Variants in PANK4 observed in about 807,000 individuals in gnomAD.
PANK4 encodes 4'-phosphopantetheine phosphatase.
In PANK4, 40 loss-of-function variants were observed where a neutral mutation model predicts 87.9. That is an observed-to-expected ratio of 0.46 (90% CI 0.35 to 0.59). The LOEUF (loss-of-function observed/expected upper bound fraction) is 0.59. Ranked by LOEUF, PANK4 falls within the 20% of genes least tolerant of loss-of-function variation. The pLI, the probability that PANK4 is intolerant of heterozygous loss-of-function variation, is 0.00. For synonymous variants in PANK4, 524 were observed against 467.4 expected (o/e 1.12, Z -1.56); for missense variants, 926 against 1,072.3 (o/e 0.86, Z 1.90).
At position 2,510,054 on chromosome 1, in the gene PANK4, C is replaced by CA. The variant is rs776726313; in HGVS notation, c.2039+2dup. ...CCCCCCAGCACTGCCCGCCAACACT[C>CA]ACTGCACGACAGGGTCCATGCCCGC... On this transcript the variant is annotated splice_region_variant and intron_variant, in intron 17 of 18. Transcript: ENST00000378466. The surrounding 1 kb of genome is among the most constrained non-coding windows in gnomAD (Gnocchi z 4.9). 1 of 1,605,808 alleles carries CA rather than the reference C, an allele frequency of 6.2e-7. No homozygotes were observed. The highest frequency in any genetic ancestry group is 1.7e-5 in the Admixed American group (1 of 59,620).
chr1:2,508,736 C>T lies in PANK4; in HGVS notation c.*111G>A, dbSNP rs1483466339. ...ATCTGTGCGGCTGGGGTGTATGTGC[C>T]GCGTCACAGCAGTACCATATAAATA... On this transcript the variant is annotated 3_prime_UTR_variant, in exon 19 of 19. Transcript: ENST00000378466. The surrounding 1 kb of genome is among the most constrained non-coding windows in gnomAD (Gnocchi z 5.1). 8.7e-6 allele frequency: 6 copies of T among 692,084 alleles called. No individual in the cohort carries two copies. The highest frequency in any genetic ancestry group is 1.8e-5 in the African/African-American group (1 of 56,424). The allele number at this position is 692,084 out of a possible 1,614,324, so 42.9% of individuals were successfully genotyped here.
chr1:2,509,963 A>G lies in PANK4; in HGVS notation c.2040-33T>C. 3.1e-6 allele frequency: 5 copies of G among 1,600,164 alleles called. No individual in the cohort carries two copies. The highest frequency in any genetic ancestry group is 4.3e-6 in the Non-Finnish European group (5 of 1,172,806). ...ATACAAGGTGGTCAGTGCCCCCAGG[A>G]GCTCCCAGTTCAGTGACAATCCCCA... On this transcript the variant is annotated intron_variant, in intron 17 of 18. Transcript: ENST00000378466. This position sits in a 1 kb window ranked among gnomAD's most constrained non-coding sequence, Gnocchi z 4.9.
chr1:2,510,340 G>A lies in PANK4; in HGVS notation c.1939-183C>T, dbSNP rs1470768555. ...TTGCCACTCTGTGGCCCCTGGGAGG[G>A]AGCTGAGCCGAGGGGCAGAGCTGAG... On this transcript the variant is annotated intron_variant, in intron 16 of 18. Transcript: ENST00000378466. This position sits in a 1 kb window ranked among gnomAD's most constrained non-coding sequence, Gnocchi z 4.9. 3.2e-6 allele frequency: 2 copies of A among 616,890 alleles called. No homozygotes were observed. The highest frequency in any genetic ancestry group is 5.8e-6 in the Non-Finnish European group (2 of 342,998). 38.2% of individuals were successfully genotyped at this position (616,890 alleles called of 1,614,324 possible).
chr1:2,523,274 G>A (rs990179573), intron 1 of PANK4, among the ~76,000 whole-genome samples: 5 of 152,196 alleles, frequency 3.3e-5, no homozygotes, highest in Non-Finnish European at 2.9e-5. Context: ...GACGGCTGGC[G>A]TACAGTCTGG....
At chr1:2,516,414 C>T (rs938692531) in intron 9 of PANK4, among the ~76,000 whole-genome samples, 5 of 152,204 alleles carry the variant, frequency 3.3e-5, no homozygotes, top group East Asian at 1.9e-4. Context: ...TACCTTATGC[C>T]GGGAGGAAGT....
chr1:2,515,272 G>A lies in PANK4; in HGVS notation c.1374+290C>T, dbSNP rs2494608. 9,617 of 616,668 alleles carry A rather than the reference G, an allele frequency of 0.016. 312 individuals carry two copies. Among genetic ancestry groups the A allele is most frequent in the African/African-American group, 0.1 (5,578 of 55,622 alleles). The allele number at this position is 616,668 out of a possible 1,614,324, so 38.2% of individuals were successfully genotyped here. ...CTCAGTCACACCTCAAAAGAGCAGAGACGTCTCCTAAATTGCTTTTTGAAG... is the reference window on the plus strand; with the variant it reads ...CTCAGTCACACCTCAAAAGAGCAGAAACGTCTCCTAAATTGCTTTTTGAAG... On this transcript the variant is annotated intron_variant, in intron 10 of 18. Transcript: ENST00000378466. This position sits in a 1 kb window ranked among gnomAD's most constrained non-coding sequence, Gnocchi z 5.0.
At position 2,518,595 on chromosome 1, in the gene PANK4, C is replaced by T. The variant is rs1310019780; in HGVS notation, c.1038G>A (p.Gly346=). Residue 346 remains glycine, a splice_region_variant and synonymous_variant, in exon 8 of 19, where the codon GGG becomes GGA. Transcript: ENST00000378466. ...GCCTCAGAAACAGCGCCTGCACTTC[C>T]CCCTGCCGTGGCCAAAGCACACGTG... ...ITYSINFFSK[G]EVQALFLRHE... The T allele has an allele frequency of 6.4e-7, 1 of 1,565,988 alleles. No individual in the cohort carries two copies. The highest frequency in any genetic ancestry group is 2.4e-5 in the East Asian group (1 of 42,258).
At position 2,511,406 on chromosome 1, in the gene PANK4, C is replaced by CACAT. The variant is rs1180187927; in HGVS notation, c.1784-23_1784-20dup. 6.3e-6 allele frequency: 10 copies of CACAT among 1,593,426 alleles called. No individual in the cohort carries two copies. Among genetic ancestry groups the CACAT allele is most frequent in the African/African-American group, 1.3e-5 (1 of 74,502 alleles). On this transcript the variant is annotated intron_variant, in intron 14 of 18. Transcript: ENST00000378466. The stretch of plus-strand genomic sequence containing the variant: ...GGTCTTTCTGAGACAGAGAGAGGGA[C>CACAT]ACATGATTAGCCCGGTGCTCCAGGT...
In PANK4 at chr1:2,511,401, AG is replaced by A. The variant is rs1431630909; in HGVS notation, c.1784-15del. On this transcript the variant is annotated splice_polypyrimidine_tract_variant and intron_variant, in intron 14 of 18. Transcript: ENST00000378466. ...GCCAGGGTCTTTCTGAGACAGAGAG[AG>A]GGACACATGATTAGCCCGGTGCTCC... 6.2e-7 allele frequency: 1 copy of A among 1,601,564 alleles called. No homozygotes were observed. Among genetic ancestry groups the A allele is most frequent in the South Asian group, 1.1e-5 (1 of 90,922 alleles).
In PANK4 at chr1:2,521,186, C is replaced by T. The variant is rs754276055; in HGVS notation, c.337G>A (p.Val113Ile). Residue 113 changes from valine (V) to isoleucine (I), a missense_variant, in exon 3 of 19, where the codon GTC becomes ATC. Physicochemically the swap from Val to Ile is conservative, Grantham distance 29 (BLOSUM62 3). Coordinates refer to ENST00000378466, the MANE Select transcript of PANK4 (RefSeq NM_018216.4). ...TGGATGACCTTGGTCTCTGTGTTGA[C>T]GAGATGGTCTTTGATGAAGTCCAGG... Reference protein sequence around the residue: ...ACLDFIKDHLVNTETKVIQAT... With the variant: ...ACLDFIKDHLINTETKVIQAT... The T allele has an allele frequency of 3.7e-6, 6 of 1,613,980 alleles. No homozygotes were observed. The highest frequency in any genetic ancestry group is 3.3e-4 in the Middle Eastern group (2 of 6,062).
At position 2,513,029 on chromosome 1, in the gene PANK4, C is replaced by A; in HGVS notation, c.1586G>T (p.Arg529Leu). 1.2e-6 allele frequency: 2 copies of A among 1,601,916 alleles called. No individual in the cohort carries two copies. Among genetic ancestry groups the A allele is most frequent in the Non-Finnish European group, 1.7e-6 (2 of 1,172,266 alleles). ...GCACCTCAGCGCCACGCCATTCTCC[C>A]GCTGCTTCACCTGTGGAGAGTGCCA... ...FPDPYSKVKQ[R>L]ENGVALRCFP... Residue 529 changes from arginine (R) to leucine (L), a missense_variant, in exon 13 of 19, where the codon CGG becomes CTG. Physicochemically the swap from Arg to Leu is moderately radical, Grantham distance 102. Coordinates refer to ENST00000378466, the MANE Select transcript of PANK4 (RefSeq NM_018216.4).
chr1:2,526,349 G>C lies in PANK4; in HGVS notation c.124+115C>G, dbSNP rs1042596177. On this transcript the variant is annotated intron_variant, in intron 1 of 18. Transcript: ENST00000378466. ...CGCGGACTACAAGGCCCGTGAGGCT[G>C]TGCGCGAGGCCCGCGCCCCCGCCCT... The C allele has an allele frequency of 1.5e-5, 8 of 549,802 alleles. No individual in the cohort carries two copies. In the African/African-American group the frequency reaches 1.6e-4, roughly 11 times the overall value. 34.1% of individuals were successfully genotyped at this position (549,802 alleles called of 1,614,324 possible). A position where few individuals can be genotyped will look rare whatever the true frequency, so the allele number is the denominator to read the frequency against.
At position 2,520,563 on chromosome 1, in the gene PANK4, T is replaced by C. The variant is rs1643866370; in HGVS notation, c.607-149A>G. The C allele has an allele frequency of 1.4e-5, 12 of 843,466 alleles. No individual in the cohort carries two copies. Among genetic ancestry groups the C allele is most frequent in the Non-Finnish European group, 2.1e-5 (12 of 567,684 alleles). 52.2% of individuals were successfully genotyped at this position (843,466 alleles called of 1,614,324 possible). On this transcript the variant is annotated intron_variant, in intron 4 of 18. Transcript: ENST00000378466. This position sits in a 1 kb window ranked among gnomAD's most constrained non-coding sequence, Gnocchi z 6.2. The stretch of plus-strand genomic sequence containing the variant: ...CTCTCATGGCCAAGCCTGGGGGCGC[T>C]GATGCCCCTCCCACAGAGGCTCTGA...
intron 1 of PANK4, among the ~76,000 whole-genome samples, chr1:2,522,392 G>A (rs1269365975): frequency 6.6e-6 from 1 of 152,160 alleles, no homozygotes; most frequent in Non-Finnish European, 1.5e-5. Context: ...GGCCACCAAA[G>A]TCCGTTTCCC....
In PANK4 at chr1:2,511,677, A is replaced by T; in HGVS notation, c.1734T>A (p.Leu578=). The stretch of plus-strand genomic sequence containing the variant: ...CAAACCCAAAGTAGGGGTCGGATTC[A>T]AGGACACTGCATGGAGGAGGAGAAA... ...DWGAKAVSAV[L]ESDPYFGFEE... The change falls in exon 14 of 19, where the codon CTT becomes CTA. Residue 578 remains leucine, a synonymous_variant. Coordinates refer to ENST00000378466, the MANE Select transcript of PANK4 (RefSeq NM_018216.4). 1 of 1,602,816 alleles carries T rather than the reference A, an allele frequency of 6.2e-7. No homozygotes were observed. Among genetic ancestry groups the T allele is most frequent in the Non-Finnish European group, 8.5e-7 (1 of 1,170,044 alleles).
chr1:2,512,818 TGCCCGCAAGCCTGGG>T, intron 13 of PANK4, 55 bp downstream of exon 13: 1 of 1,523,166 alleles, frequency 6.6e-7, no homozygotes. Flanking sequence ...TCCACCTCCT[TGCCCGCAAGCCTGGG>T]GCAGGACAGG....
rs767468207 is a variant in PANK4 at position 2,508,852 on chromosome 1, C to T, written c.2317G>A (p.Glu773Lys). 22 of 1,581,962 alleles carry T rather than the reference C, an allele frequency of 1.4e-5. No individual in the cohort carries two copies. Among genetic ancestry groups the T allele is most frequent in the African/African-American group, 4.0e-5 (3 of 74,308 alleles). ...AGTCCGGCAGCTGCAGCGCCTCACT[C>T]GGCTGGGACCTCGTACTTGAAGATG... Reference protein sequence around the residue: ...SVIFKYEVPAE With the variant: ...SVIFKYEVPAK Residue 773 changes from glutamate (E) to lysine (K), a missense_variant, in exon 19 of 19, where the codon GAG becomes AAG. Coordinates refer to ENST00000378466, the MANE Select transcript of PANK4 (RefSeq NM_018216.4). This position sits in a 1 kb window ranked among gnomAD's most constrained non-coding sequence, Gnocchi z 5.1.
Position 2,510,518 on chromosome 1 carries a change from G to A in PANK4, c.1938+160C>T, listed in dbSNP as rs1643643237. 3.1e-6 allele frequency: 2 copies of A among 642,128 alleles called. No individual in the cohort carries two copies. The highest frequency in any genetic ancestry group is 5.5e-6 in the Non-Finnish European group (2 of 360,836). 39.8% of individuals were successfully genotyped at this position (642,128 alleles called of 1,614,324 possible). Reference sequence around the variant, plus strand: ...CAGGGGGCTCGGAGCCTCCACCCCAGCAGATGACGGCTCTGGGCCGCCTCC... The same window carrying A: ...CAGGGGGCTCGGAGCCTCCACCCCAACAGATGACGGCTCTGGGCCGCCTCC... On this transcript the variant is annotated intron_variant, in intron 16 of 18. Coordinates refer to ENST00000378466, the MANE Select transcript of PANK4 (RefSeq NM_018216.4). This position sits in a 1 kb window ranked among gnomAD's most constrained non-coding sequence, Gnocchi z 4.9.
Position 2,509,621 on chromosome 1 carries a change from C to T in PANK4, c.2108+241G>A, listed in dbSNP as rs117214274. 6.4e-4 allele frequency among the ~76,000 whole-genome samples: 97 copies of T among 152,284 alleles called. 2 individuals are homozygous for T. In the East Asian group the frequency reaches 0.018, roughly 28 times the overall value. ...GCCACAGGGACATTGGCCCCTCTTG[C>T]CCCAAGTCCCCAAACCCAGCCCATG... On this transcript the variant is annotated intron_variant, in intron 18 of 18. Coordinates refer to ENST00000378466, the MANE Select transcript of PANK4 (RefSeq NM_018216.4). This position sits in a 1 kb window ranked among gnomAD's most constrained non-coding sequence, Gnocchi z 4.9.
Sources: allele counts gnomAD v4.1 joint callset (sites outside exome capture counted in the v4.1 genomes callset), GRCh38; gene constraint gnomAD v4.1.1; non-coding constraint Gnocchi (gnomAD v3.1); transcripts MANE v1.5; gene names NCBI Gene and HGNC (gene_info 2026-07-23, HGNC 2026-07-21).